KCNQ1OT1: variants seen among roughly 807,000 people sequenced by gnomAD.
The protein encoded by KCNQ1OT1 is KCNQ1 opposite strand/antisense transcript 1.
Position 2,651,454 on chromosome 11 carries a change from T to C in KCNQ1OT1, n.48541A>G, listed in dbSNP as rs1328043699. The C allele has an allele frequency of 7.5e-6, 3 of 398,556 alleles. No individual in the cohort carries two copies. The highest frequency in any genetic ancestry group is 2.1e-5 in the African/African-American group (1 of 48,614). The allele number at this position is 398,556 out of a possible 1,614,324, so 24.7% of individuals were successfully genotyped here. On this transcript the variant is annotated non_coding_transcript_exon_variant, in exon 1 of 1. Transcript: ENST00000597346. This position sits in a 1 kb window ranked among gnomAD's most constrained non-coding sequence, Gnocchi z 6.1. Reference sequence around the variant, plus strand: ...CTCAGCAAGTGCCTGAAGTCAGAGGTAGTGCTTATGAAAGTATCTGGTGGG... The same window carrying C: ...CTCAGCAAGTGCCTGAAGTCAGAGGCAGTGCTTATGAAAGTATCTGGTGGG...
chr11:2,696,203 G>A, exon 1 of KCNQ1OT1: 1 of 398,602 alleles, frequency 2.5e-6, no homozygotes. Context: ...TGGCCCTGGA[G>A]ATTATTCATT....
At chr11:2,681,855 A>G in exon 1 of KCNQ1OT1, 1 of 398,572 alleles carries the variant, frequency 2.5e-6, no homozygotes, top group Non-Finnish European at 4.4e-6. Flanking sequence ...AAGGTACTCC[A>G]AAGGAGGCCC....
At chr11:2,630,097 T>C (rs1452233532) in exon 1 of KCNQ1OT1, 2 of 398,296 alleles carry the variant, frequency 5.0e-6, no homozygotes, top group African/African-American at 2.1e-5. Context: ...ATTCCTTCTA[T>C]ACCTAATTTG....
In KCNQ1OT1 at chr11:2,624,519, A is replaced by C. The variant is rs994694478; in HGVS notation, n.75476T>G. The stretch of plus-strand genomic sequence containing the variant: ...CTAAAGATCATCTAGATTTCTTCCT[A>C]TGTTATCTTCTGGGATTTCTATTTG... On this transcript the variant is annotated non_coding_transcript_exon_variant, in exon 1 of 1. Coordinates refer to ENST00000597346, the Ensembl canonical transcript of KCNQ1OT1. The surrounding 1 kb of genome is among the most constrained non-coding windows in gnomAD (Gnocchi z 4.9). The C allele has an allele frequency of 1.0e-5, 4 of 398,444 alleles. No homozygotes were observed. The East Asian group carries it at 1.4e-4, about 14-fold the overall frequency. The allele number at this position is 398,444 out of a possible 1,614,324, so 24.7% of individuals were successfully genotyped here.
In KCNQ1OT1 at chr11:2,673,977, T is replaced by C. The variant is rs1850237921; in HGVS notation, n.26018A>G. ...AGCAGCCACAAGGGGATGCCCAGCA[T>C]TGGGGGTGGGGTGGGGGGAGGGCCC... On this transcript the variant is annotated non_coding_transcript_exon_variant, in exon 1 of 1. Coordinates refer to ENST00000597346, the Ensembl canonical transcript of KCNQ1OT1. This position sits in a 1 kb window ranked among gnomAD's most constrained non-coding sequence, Gnocchi z 4.5. 1 of 129,518 alleles carries C rather than the reference T, an allele frequency of 7.7e-6. No homozygotes were observed. Among genetic ancestry groups the C allele is most frequent in the Admixed American group, 8.6e-5 (1 of 11,574 alleles). 8.0% of individuals were successfully genotyped at this position (129,518 alleles called of 1,614,324 possible). A position where few individuals can be genotyped will look rare whatever the true frequency, so the allele number is the denominator to read the frequency against.
At chr11:2,618,762 A>T (rs190032445) in exon 1 of KCNQ1OT1, 1 of 398,356 alleles carries the variant, frequency 2.5e-6, no homozygotes. Flanking sequence ...CAATCTGTAT[A>T]TTGATTTGGA....
At chr11:2,622,871 G>A (rs1849198189) in exon 1 of KCNQ1OT1, 1 of 398,464 alleles carries the variant, frequency 2.5e-6, no homozygotes, top group African/African-American at 2.1e-5. Flanking sequence ...TTATGAATCT[G>A]CATTTACACA....
At position 2,679,416 on chromosome 11, in the gene KCNQ1OT1, C is replaced by T. The variant is rs1224313984; in HGVS notation, n.20579G>A. On this transcript the variant is annotated non_coding_transcript_exon_variant, in exon 1 of 1. Transcript: ENST00000597346. The surrounding 1 kb of genome is among the most constrained non-coding windows in gnomAD (Gnocchi z 4.8). Reference sequence around the variant, plus strand: ...TTGTAAAATGGGAATCATAAGAGTACCTTCCTCAGAGGGTTGTTAGGAGGA... The same window carrying T: ...TTGTAAAATGGGAATCATAAGAGTATCTTCCTCAGAGGGTTGTTAGGAGGA... 1 of 398,474 alleles carries T rather than the reference C, an allele frequency of 2.5e-6. No homozygotes were observed. The highest frequency in any genetic ancestry group is 4.4e-6 in the Non-Finnish European group (1 of 226,076). The allele number at this position is 398,474 out of a possible 1,614,324, so 24.7% of individuals were successfully genotyped here. A position where few individuals can be genotyped will look rare whatever the true frequency, so the allele number is the denominator to read the frequency against.
exon 1 of KCNQ1OT1, chr11:2,639,719 AC>A (rs1849538275): frequency 1.3e-5 from 2 of 152,304 alleles, no homozygotes; most frequent in South Asian, 4.1e-4. Context: ...TGCTGGGAGA[AC>A]CACTACTCTT....
chr11:2,677,947 G>A lies in KCNQ1OT1; in HGVS notation n.22048C>T. 2.5e-6 allele frequency: 1 copy of A among 398,510 alleles called. No homozygotes were observed. The highest frequency in any genetic ancestry group is 4.4e-6 in the Non-Finnish European group (1 of 226,030). 24.7% of individuals were successfully genotyped at this position (398,510 alleles called of 1,614,324 possible). A position where few individuals can be genotyped will look rare whatever the true frequency, so the allele number is the denominator to read the frequency against. ...TCATTCATTTCATAGATGAGAAATG[G>A]TACACTGGAGCTTTAATTTACATTT... On this transcript the variant is annotated non_coding_transcript_exon_variant, in exon 1 of 1. Transcript: ENST00000597346. This position sits in a 1 kb window ranked among gnomAD's most constrained non-coding sequence, Gnocchi z 4.5.
Position 2,611,666 on chromosome 11 carries a change from C to A in KCNQ1OT1, n.88329G>T, listed in dbSNP as rs552349598. Reference sequence around the variant, plus strand: ...GGATCCTGCTTTTAAGGCAGTCTGGCAATCTCTGCTCTTTATTGAGTTTTT... The same window carrying A: ...GGATCCTGCTTTTAAGGCAGTCTGGAAATCTCTGCTCTTTATTGAGTTTTT... On this transcript the variant is annotated non_coding_transcript_exon_variant, in exon 1 of 1. Transcript: ENST00000597346. The surrounding 1 kb of genome is among the most constrained non-coding windows in gnomAD (Gnocchi z 5.3). 1.7e-4 allele frequency: 67 copies of A among 398,574 alleles called. 1 individual carries two copies. In the South Asian group the frequency reaches 7.9e-3, roughly 47 times the overall value. 24.7% of individuals were successfully genotyped at this position (398,574 alleles called of 1,614,324 possible). A position where few individuals can be genotyped will look rare whatever the true frequency, so the allele number is the denominator to read the frequency against.
exon 1 of KCNQ1OT1, chr11:2,656,922 A>C: frequency 2.5e-6 from 1 of 398,668 alleles, no homozygotes; most frequent in East Asian, 3.6e-5. Flanking sequence ...TTAAGGGTCC[A>C]ACTTAATGTT....
In KCNQ1OT1 at chr11:2,679,000, C is replaced by T. The variant is rs79223282; in HGVS notation, n.20995G>A. On this transcript the variant is annotated non_coding_transcript_exon_variant, in exon 1 of 1. Transcript: ENST00000597346. This position sits in a 1 kb window ranked among gnomAD's most constrained non-coding sequence, Gnocchi z 4.9. ...CCTAATTCAAGAATTTTTAAAAACC[C>T]GCAATAAGAAACATAATCTAAAACT... The T allele has an allele frequency of 3.2e-3, 1,290 of 398,504 alleles. 18 individuals are homozygous for T. Among genetic ancestry groups the T allele is most frequent in the African/African-American group, 0.024 (1,148 of 48,692 alleles). 24.7% of individuals were successfully genotyped at this position (398,504 alleles called of 1,614,324 possible).
In KCNQ1OT1 at chr11:2,633,720, CTA is replaced by C. The variant is rs1411447012; in HGVS notation, n.66273_66274del. The C allele has an allele frequency of 7.5e-6, 3 of 398,388 alleles. No homozygotes were observed. The Admixed American group carries it at 1.3e-4, about 18-fold the overall frequency. 24.7% of individuals were successfully genotyped at this position (398,388 alleles called of 1,614,324 possible). ...GGGTTCTCTATTCTGTTCCATTGGT[CTA>C]TATGTCTGTTTTATGCCCATTGCAT... On this transcript the variant is annotated non_coding_transcript_exon_variant, in exon 1 of 1. Coordinates refer to ENST00000597346, the Ensembl canonical transcript of KCNQ1OT1.
chr11:2,680,976 G>A (rs1439448312), exon 1 of KCNQ1OT1: 9 of 398,536 alleles, frequency 2.3e-5, no homozygotes, highest in Non-Finnish European at 4.0e-5. Flanking sequence ...AGATTGCACT[G>A]ACCATCATAG....
At position 2,658,739 on chromosome 11, in the gene KCNQ1OT1, C is replaced by T. The variant is rs1056898763; in HGVS notation, n.41256G>A. Reference sequence around the variant, plus strand: ...CACATACATCTTTACATATCTGTATCTATATAAAGCTAACCATGAGTTCAT... The same window carrying T: ...CACATACATCTTTACATATCTGTATTTATATAAAGCTAACCATGAGTTCAT... On this transcript the variant is annotated non_coding_transcript_exon_variant, in exon 1 of 1. Coordinates refer to ENST00000597346, the Ensembl canonical transcript of KCNQ1OT1. This position sits in a 1 kb window ranked among gnomAD's most constrained non-coding sequence, Gnocchi z 4.9. 5.0e-5 allele frequency: 20 copies of T among 398,366 alleles called. No individual in the cohort carries two copies. The highest frequency in any genetic ancestry group is 8.0e-5 in the Non-Finnish European group (18 of 226,060). The allele number at this position is 398,366 out of a possible 1,614,324, so 24.7% of individuals were successfully genotyped here.
rs1288310841 is a variant in KCNQ1OT1 at position 2,658,679 on chromosome 11, A to G, written n.41316T>C. ...GCTTCAGTCTCCTCTCAGTGGACAG[A>G]GCTAGGAAATATATGTATGTATGTA... On this transcript the variant is annotated non_coding_transcript_exon_variant, in exon 1 of 1. Coordinates refer to ENST00000597346, the Ensembl canonical transcript of KCNQ1OT1. The surrounding 1 kb of genome is among the most constrained non-coding windows in gnomAD (Gnocchi z 4.9). The G allele has an allele frequency of 5.0e-6, 2 of 398,386 alleles. No homozygotes were observed. The highest frequency in any genetic ancestry group is 4.1e-5 in the African/African-American group (2 of 48,594). The allele number at this position is 398,386 out of a possible 1,614,324, so 24.7% of individuals were successfully genotyped here.
chr11:2,642,888 T>A lies in KCNQ1OT1; in HGVS notation n.57107A>T. 1 of 398,002 alleles carries A rather than the reference T, an allele frequency of 2.5e-6. No homozygotes were observed. Among genetic ancestry groups the A allele is most frequent in the Admixed American group, 4.4e-5 (1 of 22,730 alleles). 24.7% of individuals were successfully genotyped at this position (398,002 alleles called of 1,614,324 possible). A position where few individuals can be genotyped will look rare whatever the true frequency, so the allele number is the denominator to read the frequency against. ...TCTATTTTCACTTGTTTCAGTAAAT[T>A]TTTTATTTCTGCCTTAATTTCTTCT... is the stretch of plus-strand genomic sequence containing the variant. On this transcript the variant is annotated non_coding_transcript_exon_variant, in exon 1 of 1. Coordinates refer to ENST00000597346, the Ensembl canonical transcript of KCNQ1OT1. The surrounding 1 kb of genome is among the most constrained non-coding windows in gnomAD (Gnocchi z 4.3).
At position 2,617,866 on chromosome 11, in the gene KCNQ1OT1, T is replaced by C. The variant is rs1295518131; in HGVS notation, n.82129A>G. On this transcript the variant is annotated non_coding_transcript_exon_variant, in exon 1 of 1. Coordinates refer to ENST00000597346, the Ensembl canonical transcript of KCNQ1OT1. The surrounding 1 kb of genome is among the most constrained non-coding windows in gnomAD (Gnocchi z 4.6). ...AATGTCTACTCAGTTCCACTGCCCA[T>C]TTTTTAATTGGGTTATCTATTTTCT... 2.5e-6 allele frequency: 1 copy of C among 398,476 alleles called. No individual in the cohort carries two copies. The highest frequency in any genetic ancestry group is 4.4e-6 in the Non-Finnish European group (1 of 226,042). The allele number at this position is 398,476 out of a possible 1,614,324, so 24.7% of individuals were successfully genotyped here.
Sources: gnomAD v4.1 joint callset for allele counts on GRCh38, gnomAD v4.1.1 for gene constraint, Gnocchi (gnomAD v3.1) non-coding constraint, MANE v1.5 for transcripts, NCBI Gene and HGNC (gene_info 2026-07-23, HGNC 2026-07-21) for gene names.